Variants in SETX observed in about 807,000 individuals in gnomAD.
SETX encodes helicase senataxin.
SETX carries 90 observed loss-of-function variants against 227.2 expected under a neutral mutation model. That is an observed-to-expected ratio of 0.40 (90% CI 0.33 to 0.47). The LOEUF (loss-of-function observed/expected upper bound fraction) is 0.47. Among genes scored for constraint, SETX ranks in the 20% least tolerant of loss-of-function variants. The pLI, the probability that SETX is intolerant of heterozygous loss-of-function variation, is 0.91. For missense variants in SETX, 3,052 were observed against 3,181.5 expected (o/e 0.96, Z 0.98); for synonymous variants, 1,210 against 1,113.2 (o/e 1.09, Z -1.73).
intron 13 of SETX, 92 bp downstream of exon 13, chr9:132,297,988 G>T: frequency 9.2e-7 from 1 of 1,083,798 alleles, no homozygotes; most frequent in Non-Finnish European, 1.4e-6. Context: ...ACACATTTTT[G>T]TTGTAAACAT....
chr9:132,286,532 T>C, intron 17 of SETX, 38 bp from the exon 18 acceptor site: 1 of 1,446,010 alleles, frequency 6.9e-7, no homozygotes, highest in Non-Finnish European at 9.7e-7. Context: ...AAAACTAAAC[T>C]AAGCATTTTT....
At chr9:132,322,970 G>A (rs1372605181) in intron 10 of SETX, among the ~76,000 whole-genome samples, 2 of 152,022 alleles carry the variant, frequency 1.3e-5, no homozygotes, top group East Asian at 3.8e-4. Context: ...GAAAAGTTGA[G>A]GTGGCCTCCA....
At chr9:132,265,578 C>T (rs1309924062) in intron 25 of SETX, among the ~76,000 whole-genome samples, 2 of 152,134 alleles carry the variant, frequency 1.3e-5, no homozygotes, top group African/African-American at 4.8e-5. Context: ...CTGCACTAGT[C>T]ACTAGGAGCA....
intron 10 of SETX, among the ~76,000 whole-genome samples, chr9:132,322,798 C>T (rs533417121): frequency 1.3e-5 from 2 of 151,738 alleles, no homozygotes; most frequent in South Asian, 2.1e-4. Context: ...TGGGGAAACA[C>T]GAACCATGCA....
chr9:132,267,718 C>A (rs1229489889), intron 25 of SETX, among the ~76,000 whole-genome samples: 1 of 152,318 alleles, frequency 6.6e-6, no homozygotes, highest in East Asian at 1.9e-4. Flanking sequence ...CACAGTTGTG[C>A]AAGTGTGACC....
upstream of SETX, among the ~76,000 whole-genome samples, chr9:132,355,448 T>C (rs1184889353): frequency 1.3e-5 from 2 of 152,236 alleles, no homozygotes; most frequent in East Asian, 3.8e-4. Flanking sequence ...GTAAATTACA[T>C]AAACGTGTAA....
intron 23 of SETX, among the ~76,000 whole-genome samples, chr9:132,273,984 A>T (rs541589844): frequency 5.1e-4 from 67 of 131,666 alleles, no homozygotes; most frequent in African/African-American, 4.1e-4. Context: ...TTTTTTTTTT[A>T]AATCATCAAA....
At chr9:132,316,702 T>C (rs1275193357) in intron 10 of SETX, among the ~76,000 whole-genome samples, 1 of 152,192 alleles carries the variant, frequency 6.6e-6, no homozygotes, top group Admixed American at 6.5e-5. Context: ...GTCCTATTTA[T>C]CTCGTTTTAT....
chr9:132,273,349 G>A (rs1053752180), intron 23 of SETX, among the ~76,000 whole-genome samples: 1 of 152,106 alleles, frequency 6.6e-6, no homozygotes, highest in African/African-American at 2.4e-5. Context: ...AATTAGTAGA[G>A]ACAAGATTTT....
intron 5 of SETX, among the ~76,000 whole-genome samples, chr9:132,339,319 C>T (rs1443073136): frequency 6.6e-6 from 1 of 151,994 alleles, no homozygotes; most frequent in Non-Finnish European, 1.5e-5. Flanking sequence ...CCCATCTCTA[C>T]AAAAAATTAG....
intron 10 of SETX, among the ~76,000 whole-genome samples, chr9:132,323,305 T>C (rs1214496211): frequency 6.6e-6 from 1 of 152,128 alleles, no homozygotes; most frequent in Non-Finnish European, 1.5e-5. Flanking sequence ...TGGCATTAAT[T>C]TAGTGATAAG....
intron 3 of SETX, 146 bp from the exon 4 acceptor site, chr9:132,346,617 T>A: frequency 3.0e-6 from 2 of 675,404 alleles, no homozygotes; most frequent in Non-Finnish European, 2.6e-6. Flanking sequence ...TAAAGAAAAC[T>A]ATTCAAATGT....
chr9:132,278,514 G>A (rs1038748110), intron 20 of SETX, among the ~76,000 whole-genome samples: 21 of 136,648 alleles, frequency 1.5e-4, no homozygotes, highest in Admixed American at 9.1e-4. Context: ...GAGTGCAGTG[G>A]CGTGATCTCA....
chr9:132,269,566 A>G (rs780239463), intron 25 of SETX, 49 bp downstream of exon 25: 3 of 1,611,416 alleles, frequency 1.9e-6, no homozygotes, highest in Non-Finnish European at 2.5e-6. Flanking sequence ...CAAAAACTCA[A>G]TCCAACAACA....
chr9:132,342,504 C>T (rs1848039517), intron 5 of SETX, among the ~76,000 whole-genome samples, 186 bp downstream of exon 5: 1 of 152,190 alleles, frequency 6.6e-6, no homozygotes, highest in African/African-American at 2.4e-5. Context: ...CGGTAAGTAT[C>T]CCCTACCCTC....
chr9:132,315,709 T>C (rs763990585), intron 10 of SETX, among the ~76,000 whole-genome samples: 4 of 152,148 alleles, frequency 2.6e-5, no homozygotes, highest in Non-Finnish European at 4.4e-5. Context: ...TGTCCACCCA[T>C]CAAACTCAAT....
chr9:132,324,320 G>T (rs1846568265), intron 10 of SETX, among the ~76,000 whole-genome samples: 1 of 152,098 alleles, frequency 6.6e-6, no homozygotes, highest in Non-Finnish European at 1.5e-5. Flanking sequence ...TTGATCAAAA[G>T]ATTTAACATA....
chr9:132,284,274 T>C (rs1843709508), intron 18 of SETX, among the ~76,000 whole-genome samples: 1 of 152,256 alleles, frequency 6.6e-6, no homozygotes, highest in Non-Finnish European at 1.5e-5. Context: ...TCTGTGAAGA[T>C]GGACTTCATC....
Position 132,264,158 on chromosome 9 carries a change from A to T in SETX, c.*81T>A. ...GCACACAAACTCCTTACAAAAAACAAGCTTATCTAGATGGTCCCACGAGCT... is the reference window on the plus strand; with the variant it reads ...GCACACAAACTCCTTACAAAAAACATGCTTATCTAGATGGTCCCACGAGCT... On this transcript the variant is annotated 3_prime_UTR_variant, in exon 26 of 26. Coordinates refer to ENST00000224140, the MANE Select transcript of SETX (RefSeq NM_015046.7). 1 of 1,596,496 alleles carries T rather than the reference A, an allele frequency of 6.3e-7. No homozygotes were observed. The highest frequency in any genetic ancestry group is 1.3e-5 in the African/African-American group (1 of 74,812).
Sources: allele counts gnomAD v4.1 joint callset (sites outside exome capture counted in the v4.1 genomes callset), GRCh38; gene constraint gnomAD v4.1.1; transcripts MANE v1.5; gene names NCBI Gene and HGNC (gene_info 2026-07-23, HGNC 2026-07-21).